NPAS3: variants seen among roughly 807,000 people sequenced by gnomAD.
NPAS3 encodes neuronal PAS domain-containing protein 3.
In NPAS3, 14 loss-of-function variants were observed where a neutral mutation model predicts 73.1. The observed-to-expected ratio is 0.19, with a 90% CI of 0.13 to 0.30. The LOEUF (loss-of-function observed/expected upper bound fraction) is 0.30, where lower values mean the gene tolerates loss of function less well. Among genes scored for constraint, NPAS3 ranks in the 10% least tolerant of loss-of-function variants. The pLI is 1.00. For missense variants in NPAS3, 1,096 were observed against 1,250.0 expected, an observed-to-expected ratio of 0.88 and a Z score of 1.86; for synonymous variants, 620 against 541.5, an observed-to-expected ratio of 1.14 and a Z score of -2.01.
chr14:33,621,094 A>G (rs1323372457), intron 5 of NPAS3, among the ~76,000 whole-genome samples: 1 of 152,158 alleles, frequency 6.6e-6, no homozygotes, highest in Non-Finnish European at 1.5e-5. Flanking sequence ...TGTTGCCCTG[A>G]CAAACTTTCT....
At chr14:33,648,393 C>T (rs1213717816) in intron 5 of NPAS3, among the ~76,000 whole-genome samples, 3 of 152,114 alleles carry the variant, frequency 2.0e-5, no homozygotes, top group Non-Finnish European at 4.4e-5. Flanking sequence ...TTGAAAATAA[C>T]TTGGGCATGT....
rs139484812 is a variant in NPAS3 at position 33,008,806 on chromosome 14, A to C, written c.51-47099A>C. ...ATTATGAAATTTGAGAAACTCAATA[A>C]CTTAGCAAAGGTAATAGACTGACCA... is the stretch of plus-strand genomic sequence containing the variant. On this transcript the variant is annotated intron_variant, in intron 1 of 11. Transcript: ENST00000356141. Among the ~76,000 whole-genome samples, 6 of 152,312 alleles carry C rather than the reference A, an allele frequency of 3.9e-5. No individual in the cohort carries two copies. The East Asian group carries it at 1.2e-3, about 29-fold the overall frequency.
At chr14:33,195,872 G>GA (rs2046334024) in intron 2 of NPAS3, among the ~76,000 whole-genome samples, 1 of 152,152 alleles carries the variant, frequency 6.6e-6, no homozygotes, top group Admixed American at 6.5e-5. Flanking sequence ...AACAATGGGG[G>GA]ATCACACACC....
chr14:33,332,370 A>T (rs1326229344), intron 3 of NPAS3, among the ~76,000 whole-genome samples: 1 of 152,200 alleles, frequency 6.6e-6, no homozygotes, highest in African/African-American at 2.4e-5. Context: ...ATTTATGAAG[A>T]CTATTTTTCT....
At position 33,680,653 on chromosome 14, in the gene NPAS3, C is replaced by A. The variant is rs1261506201; in HGVS notation, c.733+4268C>A. ...TCAGTTTCTTCTGTAGGACCCCTGT[C>A]AGGAAGAACATGCCTGGATCCTACT... is the stretch of plus-strand genomic sequence containing the variant. On this transcript the variant is annotated intron_variant, in intron 6 of 11. Transcript: ENST00000356141. 5.7e-6 allele frequency: 4 copies of A among 702,538 alleles called. No individual in the cohort carries two copies. In the Admixed American group the frequency reaches 6.0e-5, roughly 11 times the overall value. The allele number at this position is 702,538 out of a possible 1,614,324, so 43.5% of individuals were successfully genotyped here. A position where few individuals can be genotyped will look rare whatever the true frequency, so the allele number is the denominator to read the frequency against.
At chr14:33,747,916 C>G (rs956351687) in intron 7 of NPAS3, among the ~76,000 whole-genome samples, 5 of 152,228 alleles carry the variant, frequency 3.3e-5, no homozygotes, top group Middle Eastern at 3.4e-3. Context: ...TACAATATAT[C>G]AAGTGTTCCT....
chr14:33,789,276 G>A (rs1293283300), intron 9 of NPAS3, among the ~76,000 whole-genome samples: 1 of 152,156 alleles, frequency 6.6e-6, no homozygotes, highest in Admixed American at 6.5e-5. Context: ...GAAGAGCACA[G>A]CTTATAACTC....
intron 7 of NPAS3, among the ~76,000 whole-genome samples, chr14:33,736,705 G>C (rs1239260898): frequency 6.6e-6 from 1 of 152,124 alleles, no homozygotes; most frequent in Non-Finnish European, 1.5e-5. Context: ...GAACCATGGG[G>C]CTTCCTTTCT....
chr14:33,101,637 GA>G (rs1456835249), intron 2 of NPAS3, among the ~76,000 whole-genome samples: 2 of 152,154 alleles, frequency 1.3e-5, no homozygotes, highest in Non-Finnish European at 2.9e-5. Context: ...CTTAGTGGAA[GA>G]AATGTCTAAA....
At position 33,207,120 on chromosome 14, in the gene NPAS3, C is replaced by T. The variant is rs976960044; in HGVS notation, c.141-8062C>T. On this transcript the variant is annotated intron_variant, in intron 2 of 11. Coordinates refer to ENST00000356141, the Ensembl canonical transcript of NPAS3. ...TGCTGCTTTCTCACTGTATTAGCTT[C>T]TTCAATTTCCTTTTAATTGGAGCCT... Among the ~76,000 whole-genome samples the T allele has an allele frequency of 3.3e-5, 5 of 152,048 alleles. No individual in the cohort carries two copies. The South Asian group carries it at 6.2e-4, about 19-fold the overall frequency.
intron 2 of NPAS3, among the ~76,000 whole-genome samples, chr14:33,113,007 T>A (rs36173350): frequency 0.29 from 43,538 of 152,014 alleles, 6,953 homozygotes; most frequent in Admixed American, 0.44. Flanking sequence ...GAGGGCTCTG[T>A]TCTGCTCCAT....
intron 4 of NPAS3, among the ~76,000 whole-genome samples, chr14:33,454,684 C>T (rs979917313): frequency 6.6e-6 from 1 of 152,192 alleles, no homozygotes; most frequent in Non-Finnish European, 1.5e-5. Context: ...TCTTTCTAAT[C>T]TAGTTTCACC....
chr14:33,693,171 C>T (rs2060280356), intron 6 of NPAS3, among the ~76,000 whole-genome samples: 1 of 152,126 alleles, frequency 6.6e-6, no homozygotes, highest in African/African-American at 2.4e-5. Flanking sequence ...CCTGTGGTAT[C>T]AATTTGTTGT....
intron 3 of NPAS3, among the ~76,000 whole-genome samples, chr14:33,314,662 G>A (rs2043137875): frequency 1.3e-5 from 2 of 151,964 alleles, no homozygotes; most frequent in African/African-American, 2.4e-5. Context: ...TCTGCATCAG[G>A]ATATTAAAAA....
upstream of NPAS3, among the ~76,000 whole-genome samples, chr14:32,935,445 C>A (rs192605311): frequency 1.1e-4 from 17 of 152,276 alleles, no homozygotes; most frequent in Admixed American, 9.8e-4. Context: ...AGAATAGGAA[C>A]GATTTTCATG....
chr14:33,646,823 G>T (rs994285173), intron 5 of NPAS3, among the ~76,000 whole-genome samples: 1 of 150,038 alleles, frequency 6.7e-6, no homozygotes, highest in African/African-American at 2.5e-5. Context: ...CTCACGAAGA[G>T]ATTTGAGTGG....
chr14:33,284,780 CTAT>C (rs2041801211), intron 3 of NPAS3, among the ~76,000 whole-genome samples: 1 of 113,908 alleles, frequency 8.8e-6, no homozygotes, highest in East Asian at 6.4e-4. Context: ...ATCTATCTAT[CTAT>C]CTATCTATCT....
At position 33,507,942 on chromosome 14, in the gene NPAS3, A is replaced by G. The variant is rs56097115; in HGVS notation, c.469-52179A>G. Among the ~76,000 whole-genome samples, 929 of 151,932 alleles carry G rather than the reference A, an allele frequency of 6.1e-3. 7 individuals carry two copies. Among genetic ancestry groups the G allele is most frequent in the African/African-American group, 0.021 (891 of 41,486 alleles). On this transcript the variant is annotated intron_variant, in intron 4 of 11. Coordinates refer to ENST00000356141, the Ensembl canonical transcript of NPAS3. ...TGGGTGTGTCTCTGTCATTTTTTTA[A>G]GACTAAGCCTCTCCTTCCTACTCCC...
chr14:33,256,435 A>G (rs960288888), intron 3 of NPAS3, among the ~76,000 whole-genome samples: 31 of 152,200 alleles, frequency 2.0e-4, no homozygotes, highest in Non-Finnish European at 4.0e-4. Context: ...ATAGGACCCA[A>G]TTTAAATCTA....
Sources: gnomAD v4.1 joint callset for allele counts (sites outside exome capture counted in the v4.1 genomes callset) on GRCh38, gnomAD v4.1.1 for gene constraint, MANE v1.5 for transcripts, NCBI Gene and HGNC (gene_info 2026-07-23, HGNC 2026-07-21) for gene names.